The following ANKHD1 variants were observed in gnomAD, a reference collection of about 807,000 sequenced individuals.
ANKHD1 encodes the protein ankyrin repeat and KH domain containing 1.
In ANKHD1, 31 loss-of-function variants were observed where a neutral mutation model predicts 230.5. That is an observed-to-expected ratio of 0.13 (90% CI 0.10 to 0.18). The LOEUF (loss-of-function observed/expected upper bound fraction) is 0.18, where lower values mean the gene tolerates loss of function less well. Ranked by LOEUF, ANKHD1 falls within the 10% of genes least tolerant of loss-of-function variation. ANKHD1 has a pLI of 1.00. For synonymous variants in ANKHD1, 1,074 were observed against 1,117.6 expected, an observed-to-expected ratio of 0.96 and a Z score of 0.78; for missense variants, 2,256 against 3,071.3, an observed-to-expected ratio of 0.73 and a Z score of 6.27.
chr5:140,432,898 C>T (rs1773154762), intron 1 of ANKHD1, among the ~76,000 whole-genome samples: 1 of 152,074 alleles, frequency 6.6e-6, no homozygotes, highest in Admixed American at 6.6e-5. Flanking sequence ...GAGACAAGAT[C>T]TCACTAGGTT....
In ANKHD1 at chr5:140,438,627, T is replaced by A; in HGVS notation, c.617+10T>A. On this transcript the variant is annotated intron_variant, in intron 3 of 33. Transcript: ENST00000360839. ...CAGGACAAGTGGACACGTATGTGTT[T>A]AATGACTTTTGGATATTAGACATTT... 1.3e-6 allele frequency: 2 copies of A among 1,563,218 alleles called. No individual in the cohort carries two copies. The highest frequency in any genetic ancestry group is 1.7e-6 in the Non-Finnish European group (2 of 1,152,572).
intron 29 of ANKHD1, among the ~76,000 whole-genome samples, chr5:140,534,218 C>G (rs552908254): frequency 6.6e-6 from 1 of 152,120 alleles, no homozygotes; most frequent in Admixed American, 6.5e-5. Flanking sequence ...TGGGGAAACC[C>G]CGTTTCTACT....
intron 1 of ANKHD1, among the ~76,000 whole-genome samples, chr5:140,422,557 G>C (rs976671695): frequency 1.3e-4 from 20 of 151,888 alleles, no homozygotes; most frequent in African/African-American, 2.4e-4. Flanking sequence ...CAGCACTTTG[G>C]GGGGCTGAGG....
At chr5:140,472,395 G>A (rs1383723327) in intron 10 of ANKHD1, 2 of 1,527,182 alleles carry the variant, frequency 1.3e-6, no homozygotes, top group Admixed American at 2.2e-5. Flanking sequence ...GAAGTTCCAG[G>A]ACCCTGCTGG....
intron 7 of ANKHD1, among the ~76,000 whole-genome samples, chr5:140,451,429 A>G (rs1200304005): frequency 6.6e-6 from 1 of 152,206 alleles, no homozygotes; most frequent in Non-Finnish European, 1.5e-5. Context: ...GCATATATCA[A>G]AAGTGATTAA....
chr5:140,524,917 G>A lies in ANKHD1; in HGVS notation c.4492+677G>A, dbSNP rs147259607. On this transcript the variant is annotated intron_variant, in intron 25 of 33. Transcript: ENST00000360839. ...AGTTTGAGACCAGCCTGACCAATAT[G>A]GTGAAACCCCGTCTCTACTTAAAAA... The A allele has an allele frequency of 8.2e-3, 2,524 of 306,450 alleles. 63 individuals are homozygous for A. Among genetic ancestry groups the A allele is most frequent in the African/African-American group, 0.052 (2,283 of 43,914 alleles). The allele number at this position is 306,450 out of a possible 1,614,324, so 19.0% of individuals were successfully genotyped here. A position where few individuals can be genotyped will look rare whatever the true frequency, so the allele number is the denominator to read the frequency against.
At chr5:140,500,120 C>T (rs1056801417) in intron 15 of ANKHD1, among the ~76,000 whole-genome samples, 4 of 152,150 alleles carry the variant, frequency 2.6e-5, no homozygotes, top group African/African-American at 9.6e-5. Flanking sequence ...CCACCTGCAT[C>T]GGCCTCTCAA....
chr5:140,503,873 G>A (rs756940993), intron 15 of ANKHD1, among the ~76,000 whole-genome samples: 7 of 151,844 alleles, frequency 4.6e-5, no homozygotes, highest in Non-Finnish European at 1.0e-4. Flanking sequence ...ATCGCTCCTG[G>A]ACTTAACTCA....
In ANKHD1 at chr5:140,437,216, A is replaced by G. The variant is rs569632500; in HGVS notation, c.460+959A>G. Among the ~76,000 whole-genome samples the G allele has an allele frequency of 2.6e-4, 39 of 152,356 alleles. No homozygotes were observed. The Middle Eastern group carries it at 0.014, about 53-fold the overall frequency. Reference sequence around the variant, plus strand: ...CTTTCTCCTTTTATTGAAGGGTACCATAATATTCTGTTGCTTGGATGAACC... The same window carrying G: ...CTTTCTCCTTTTATTGAAGGGTACCGTAATATTCTGTTGCTTGGATGAACC... On this transcript the variant is annotated intron_variant, in intron 2 of 33. Transcript: ENST00000360839.
intron 8 of ANKHD1, 134 bp downstream of exon 8, chr5:140,458,996 G>GTATA (rs1775489101): frequency 2.1e-4 from 3 of 14,344 alleles, no homozygotes; most frequent in Non-Finnish European, 3.6e-4. Context: ...ATATATATAT[G>GTATA]CATATATATA....
At chr5:140,497,397 C>A in intron 15 of ANKHD1, 119 bp downstream of exon 15, 1 of 1,435,620 alleles carries the variant, frequency 7.0e-7, no homozygotes, top group Non-Finnish European at 9.1e-7. Flanking sequence ...GTAAAATTAC[C>A]CATTTCTCGA....
chr5:140,475,989 A>G (rs1289253544), intron 10 of ANKHD1, among the ~76,000 whole-genome samples: 1 of 152,214 alleles, frequency 6.6e-6, no homozygotes, highest in East Asian at 1.9e-4. Flanking sequence ...TTTATTTTAA[A>G]CTATGACCAG....
At chr5:140,512,221 A>G in intron 22 of ANKHD1, among the ~76,000 whole-genome samples, 1 of 149,918 alleles carries the variant, frequency 6.7e-6, no homozygotes, top group Non-Finnish European at 1.5e-5. Context: ...GGGCAACAAC[A>G]GCGAGACTCC....
At chr5:140,512,347 T>C (rs1420344038) in intron 22 of ANKHD1, among the ~76,000 whole-genome samples, 2 of 152,158 alleles carry the variant, frequency 1.3e-5, no homozygotes, top group East Asian at 3.8e-4. Flanking sequence ...GCTCAGAAAG[T>C]TGTGATAGTC....
chr5:140,504,737 G>C (rs1007897144), intron 15 of ANKHD1, 84 bp from the exon 16 acceptor site: 41 of 1,527,214 alleles, frequency 2.7e-5, no homozygotes, highest in Non-Finnish European at 5.3e-6. Flanking sequence ...TACTGCTATG[G>C]AAATTTCTGT....
At chr5:140,482,978 C>T (rs1231528314) in intron 11 of ANKHD1, among the ~76,000 whole-genome samples, 1 of 152,134 alleles carries the variant, frequency 6.6e-6, no homozygotes, top group Non-Finnish European at 1.5e-5. Flanking sequence ...GTCTATTCTG[C>T]TGGAGATGTG....
rs149445818 is a variant in ANKHD1, at chr5:140,449,229, G to T, written c.1166G>T (p.Arg389Leu). 5.1e-5 allele frequency: 82 copies of T among 1,612,106 alleles called. No individual in the cohort carries two copies. Among genetic ancestry groups the T allele is most frequent in the Non-Finnish European group, 6.1e-5 (72 of 1,178,940 alleles). ...TTTCAAGGCCATTTGGATATGGTTC[G>T]CTTTCTACTTGAAGCTGGTGCAGAT... ...ACYKGHLDMV[R>L]FLLEAGADQE... is the part of the protein sequence containing the mutation. The change falls in exon 7 of 34, where the codon CGC (arginine) becomes CTC (leucine). Residue 389 changes from arginine (R) to leucine (L), a missense_variant. Arg to Leu is a moderately radical substitution (Grantham distance 102, BLOSUM62 -2). Around this residue, in one of 13 missense-constraint regions of ANKHD1, gnomAD observed 206 missense variants for 304.5 expected, o/e 0.68. Coordinates refer to ENST00000360839, the MANE Select transcript of ANKHD1 (RefSeq NM_017747.3).
intron 1 of ANKHD1, among the ~76,000 whole-genome samples, chr5:140,428,525 A>C (rs977388389): frequency 6.6e-6 from 1 of 152,238 alleles, no homozygotes; most frequent in Non-Finnish European, 1.5e-5. Flanking sequence ...AATCGCAGGC[A>C]CTCGGCAGGC....
chr5:140,521,793 A>G (rs774140815), intron 24 of ANKHD1, among the ~76,000 whole-genome samples: 1 of 152,086 alleles, frequency 6.6e-6, no homozygotes, highest in Non-Finnish European at 1.5e-5. Flanking sequence ...CAGGCTGGCT[A>G]ACATGGTAAA....
Sources: gnomAD v4.1 joint callset for allele counts (sites outside exome capture counted in the v4.1 genomes callset) on GRCh38, gnomAD v4.1.1 for gene constraint, gnomAD v4.1.1 regional missense constraint, MANE v1.5 for transcripts, NCBI Gene and HGNC (gene_info 2026-07-23, HGNC 2026-07-21) for gene names.